LIMCH1: variants seen among roughly 807,000 people sequenced by gnomAD.
LIMCH1 encodes the protein LIM and calponin homology domains 1.
In LIMCH1, 113 loss-of-function variants were observed where a neutral mutation model predicts 176.5. The observed-to-expected ratio is 0.64, with a 90% CI of 0.55 to 0.75. LIMCH1 has a LOEUF of 0.75. Among genes scored for constraint, LIMCH1 ranks in the 30% least tolerant of loss-of-function variants. The probability of loss-of-function intolerance (pLI) is 0.00; values close to 1 mark genes in which losing one functional copy is unlikely to be tolerated. For missense variants in LIMCH1, 1,674 were observed against 1,814.9 expected (o/e 0.92, Z 1.41); for synonymous variants, 619 against 645.9 (o/e 0.96, Z 0.63).
chr4:41,635,367 A>G (rs185629764), intron 13 of LIMCH1, among the ~76,000 whole-genome samples: 2 of 152,056 alleles, frequency 1.3e-5, no homozygotes, highest in East Asian at 3.9e-4. Flanking sequence ...AGCTGGGATT[A>G]TATGCGCCCT....
chr4:41,501,569 G>A (rs1441337911), intron 2 of LIMCH1, among the ~76,000 whole-genome samples: 1 of 152,094 alleles, frequency 6.6e-6, no homozygotes, highest in African/African-American at 2.4e-5. Context: ...CTGCTCTCAT[G>A]TTGCCTGTTT....
chr4:41,574,911 G>A (rs1243988024), intron 1 of LIMCH1, among the ~76,000 whole-genome samples: 1 of 152,128 alleles, frequency 6.6e-6, no homozygotes, highest in Non-Finnish European at 1.5e-5. Flanking sequence ...TGTCAGTTAG[G>A]AACCACTGAA....
rs142538415 is a variant in LIMCH1, at chr4:41,445,215, A to G, written c.97-49321A>G. Among the ~76,000 whole-genome samples the G allele has an allele frequency of 7.0e-3, 1,063 of 152,248 alleles. 16 individuals are homozygous for G. The highest frequency in any genetic ancestry group is 0.024 in the African/African-American group (1,010 of 41,544). The stretch of plus-strand genomic sequence containing the variant: ...GAAACAGAGTTTCACCATGTTGGCC[A>G]GGATGGTCTTGATCTCCTGACCTCG... On this transcript the variant is annotated intron_variant, in intron 1 of 26. Transcript: ENST00000313860.
chr4:41,671,439 C>CAA (rs2095027822), intron 21 of LIMCH1, 115 bp from the exon 22 acceptor site: 8 of 663,364 alleles, frequency 1.2e-5, no homozygotes, highest in Middle Eastern at 4.3e-4. Context: ...CACACACACA[C>CAA]AAAATTGGTT....
chr4:41,676,140 T>C (rs963927910), intron 22 of LIMCH1, among the ~76,000 whole-genome samples: 2 of 152,196 alleles, frequency 1.3e-5, no homozygotes, highest in African/African-American at 2.4e-5. Context: ...GCTAATTACT[T>C]TGTGTTTTCA....
intron 18 of LIMCH1, among the ~76,000 whole-genome samples, chr4:41,651,292 T>C (rs142236414): frequency 2.4e-4 from 36 of 152,192 alleles, no homozygotes; most frequent in East Asian, 7.7e-4. Flanking sequence ...AGGCATGAGC[T>C]ACCACACCCA....
intron 2 of LIMCH1, among the ~76,000 whole-genome samples, chr4:41,519,896 C>T (rs2075948219): frequency 1.3e-5 from 2 of 152,146 alleles, no homozygotes; most frequent in South Asian, 4.1e-4. Context: ...TAACTCATAG[C>T]TAATATGTAT....
intron 18 of LIMCH1, among the ~76,000 whole-genome samples, chr4:41,651,066 G>T (rs534358316): frequency 1.3e-5 from 2 of 148,990 alleles, no homozygotes; most frequent in South Asian, 4.2e-4. Context: ...GAGTGTAATG[G>T]TGCGATCTTG....
intron 7 of LIMCH1, among the ~76,000 whole-genome samples, chr4:41,625,374 G>C (rs2092879085): frequency 6.6e-6 from 1 of 152,164 alleles, no homozygotes; most frequent in South Asian, 2.1e-4. Flanking sequence ...AGTCATTTAA[G>C]TATTTTGATA....
At chr4:41,401,247 T>C (rs61342342) in intron 1 of LIMCH1, among the ~76,000 whole-genome samples, 3,455 of 152,346 alleles carry the variant, frequency 0.023, 116 homozygotes, top group African/African-American at 0.078. Context: ...GCCTTCTACA[T>C]ATGGCTAGCC....
At chr4:41,416,663 C>CA (rs78666210) in intron 1 of LIMCH1, among the ~76,000 whole-genome samples, 39 of 129,936 alleles carry the variant, frequency 3.0e-4, no homozygotes, top group African/African-American at 8.9e-4. Context: ...ATCTCAAAAA[C>CA]AAAAAAAAAA....
At chr4:41,407,817 C>T (rs2059123543) in intron 1 of LIMCH1, among the ~76,000 whole-genome samples, 1 of 152,050 alleles carries the variant, frequency 6.6e-6, no homozygotes, top group Non-Finnish European at 1.5e-5. Flanking sequence ...CATGTGAGGC[C>T]AACTGCTGCT....
At chr4:41,373,708 A>G (rs763427951) in intron 1 of LIMCH1, among the ~76,000 whole-genome samples, 2 of 152,212 alleles carry the variant, frequency 1.3e-5, no homozygotes, top group African/African-American at 4.8e-5. Flanking sequence ...AAACTCATGC[A>G]GTCTGGCTGC....
chr4:41,602,637 A>G (rs1442266334), intron 2 of LIMCH1, among the ~76,000 whole-genome samples: 1 of 152,012 alleles, frequency 6.6e-6, no homozygotes, highest in East Asian at 1.9e-4. Context: ...GTGAAACCCC[A>G]TTTCTACTAA....
Position 41,606,966 on chromosome 4 carries a change from T to C in LIMCH1, c.9+962T>C, listed in dbSNP as rs548011054. 3.9e-5 allele frequency among the ~76,000 whole-genome samples: 6 copies of C among 152,236 alleles called. No homozygotes were observed. The East Asian group carries it at 1.2e-3, about 29-fold the overall frequency. On this transcript the variant is annotated intron_variant, in intron 4 of 31. Coordinates refer to ENST00000503057, the MANE Select transcript of LIMCH1 (RefSeq NM_001330672.2). ...GGCAGCCACCACTAAGCCTGGCTAA[T>C]TTTTGTATTTTTAGTGGAGACAGGG...
At chr4:41,500,170 A>C (rs111977339) in intron 2 of LIMCH1, among the ~76,000 whole-genome samples, 192 of 152,284 alleles carry the variant, frequency 1.3e-3, no homozygotes, top group African/African-American at 3.4e-3. Context: ...TGCCTTTTCT[A>C]TTTTGTCATC....
At chr4:41,478,785 T>C (rs1039685796) in intron 1 of LIMCH1, among the ~76,000 whole-genome samples, 2 of 152,172 alleles carry the variant, frequency 1.3e-5, no homozygotes, top group African/African-American at 4.8e-5. Context: ...GTATGTGCCA[T>C]TTCTATGTAG....
At chr4:41,379,352 T>G (rs189976419) in intron 1 of LIMCH1, among the ~76,000 whole-genome samples, 57 of 152,298 alleles carry the variant, frequency 3.7e-4, no homozygotes, top group Non-Finnish European at 6.6e-4. Context: ...TTGTGTGTCC[T>G]TATAACATGG....
intron 1 of LIMCH1, among the ~76,000 whole-genome samples, chr4:41,384,381 T>A (rs966179350): frequency 1.3e-5 from 2 of 151,986 alleles, no homozygotes; most frequent in African/African-American, 2.4e-5. Context: ...TTTTTTTTTT[T>A]TTATTTTTAG....
Sources: allele counts gnomAD v4.1 joint callset (sites outside exome capture counted in the v4.1 genomes callset), GRCh38; gene constraint gnomAD v4.1.1; transcripts MANE v1.5; gene names NCBI Gene and HGNC (gene_info 2026-07-23, HGNC 2026-07-21).